Variants in FARP1 observed in about 807,000 individuals in gnomAD.
FARP1 encodes the protein FERM, ARHGEF and pleckstrin domain-containing protein 1.
Under a neutral mutation model 128.8 loss-of-function variants are expected in FARP1, and 52 were observed. The ratio of observed to expected loss-of-function variants is 0.40; its 90% CI spans 0.32 to 0.51. The LOEUF is 0.51. Among genes scored for constraint, FARP1 ranks in the 20% least tolerant of loss-of-function variants. FARP1 has a pLI of 0.45. For missense variants in FARP1, 1,333 were observed against 1,367.9 expected, an observed-to-expected ratio of 0.97 and a Z score of 0.40; for synonymous variants, 580 against 551.8, an observed-to-expected ratio of 1.05 and a Z score of -0.72.
chr13:98,430,727 T>C (rs1891977948), intron 17 of FARP1, among the ~76,000 whole-genome samples: 1 of 152,234 alleles, frequency 6.6e-6, no homozygotes, highest in Non-Finnish European at 1.5e-5. Context: ...CCTGTTGATA[T>C]ATTTGTCCCC....
At chr13:98,174,616 T>G (rs1265597764) in intron 1 of FARP1, among the ~76,000 whole-genome samples, 2 of 152,208 alleles carry the variant, frequency 1.3e-5, no homozygotes, top group African/African-American at 4.8e-5. Context: ...GCAAGGACAA[T>G]TCTTAGAGAA....
At chr13:98,393,802 T>C (rs1231536332) in intron 12 of FARP1, 84 bp downstream of exon 12, 26 of 1,004,154 alleles carry the variant, frequency 2.6e-5, no homozygotes, top group Non-Finnish European at 3.6e-5. Context: ...CGGGCTTTCT[T>C]GTTCTCTGTC....
At chr13:98,232,067 C>T (rs368567689) in intron 2 of FARP1, among the ~76,000 whole-genome samples, 15 of 150,442 alleles carry the variant, frequency 1.0e-4, no homozygotes, top group Admixed American at 3.3e-4. Context: ...TGACCTCAGG[C>T]GATCTGCCCA....
intron 2 of FARP1, among the ~76,000 whole-genome samples, chr13:98,295,869 C>G (rs1468087918): frequency 1.3e-5 from 2 of 152,154 alleles, no homozygotes; most frequent in Non-Finnish European, 2.9e-5. Context: ...TTCTTCCCAT[C>G]CTTTTATATT....
chr13:98,267,013 CAAAAAAA>C (rs368229193), intron 2 of FARP1, among the ~76,000 whole-genome samples: 1 of 64,332 alleles, frequency 1.6e-5, no homozygotes, highest in African/African-American at 5.4e-5. Context: ...ACTCCCATCT[CAAAAAAA>C]AAAAAAAAAA....
rs200545303 is a variant in FARP1, at chr13:98,446,699, G to T, written c.2938G>T (p.Gly980Cys). 1 of 1,613,774 alleles carries T rather than the reference G, an allele frequency of 6.2e-7. No homozygotes were observed. The highest frequency in any genetic ancestry group is 1.7e-5 in the Admixed American group (1 of 59,970). ...NHPLASLPLL[G>C]YSLTIPSESE... ...TCCCCTTGCCAGCCTGCCTCTGCTC[G>T]GCTACTCGCTCACCATCCCCTCTGA... Residue 980 changes from glycine to cysteine, a missense_variant, in exon 26 of 27, where the codon GGC becomes TGC. Physicochemically the swap from Gly to Cys is radical, Grantham distance 159. Transcript: ENST00000319562.
intron 2 of FARP1, among the ~76,000 whole-genome samples, chr13:98,308,339 G>T (rs1886277753): frequency 1.3e-5 from 2 of 152,166 alleles, no homozygotes; most frequent in African/African-American, 4.8e-5. Flanking sequence ...GGGGCACGTG[G>T]GGCCTGAGTG....
chr13:98,440,925 G>A, intron 24 of FARP1, 89 bp downstream of exon 24: 2 of 1,363,762 alleles, frequency 1.5e-6, no homozygotes, highest in Non-Finnish European at 2.0e-6. Context: ...CTTGAGGGAG[G>A]CTGGGACTGT....
At chr13:98,397,056 G>C (rs1890578361) in intron 13 of FARP1, 2 of 152,218 alleles carry the variant, frequency 1.3e-5, no homozygotes. Flanking sequence ...CAAGAATAAT[G>C]AATATTTTAA....
chr13:98,381,256 T>C (rs1889877721), intron 6 of FARP1, among the ~76,000 whole-genome samples: 2 of 152,184 alleles, frequency 1.3e-5, no homozygotes, highest in African/African-American at 4.8e-5. Context: ...CTTCTGTGGA[T>C]TGTGTCGTGA....
intron 2 of FARP1, among the ~76,000 whole-genome samples, chr13:98,304,463 A>G (rs1886052321): frequency 6.6e-6 from 1 of 152,190 alleles, no homozygotes; most frequent in African/African-American, 2.4e-5. Context: ...TTGGGGTGTT[A>G]GGTCCAGAAA....
intron 18 of FARP1, chr13:98,434,050 T>C (rs1329162650): frequency 1.3e-5 from 2 of 152,294 alleles, no homozygotes; most frequent in Admixed American, 1.3e-4. Flanking sequence ...CTGCTATTTC[T>C]CTAAACAGTA....
At chr13:98,444,221 G>A (rs1415291116) in intron 24 of FARP1, among the ~76,000 whole-genome samples, 1 of 152,124 alleles carries the variant, frequency 6.6e-6, no homozygotes, top group Non-Finnish European at 1.5e-5. Context: ...GGCTCGTGCT[G>A]GGCTTAGGGC....
At chr13:98,146,893 A>G (rs536350789) in intron 1 of FARP1, among the ~76,000 whole-genome samples, 48 of 152,158 alleles carry the variant, frequency 3.2e-4, no homozygotes, top group Non-Finnish European at 6.3e-4. Context: ...TTTTAGTGTC[A>G]GAGTTTATTC....
intron 24 of FARP1, chr13:98,445,276 AGTGCCTTTACAAG>A (rs1193375204): frequency 2.0e-5 from 3 of 152,270 alleles, no homozygotes; most frequent in Admixed American, 2.0e-4. Flanking sequence ...AGTGGCATTA[AGTGCCTTTACAAG>A]GTGGTGCAAC....
chr13:98,373,480 T>G (rs9554461), intron 5 of FARP1, among the ~76,000 whole-genome samples: 2,526 of 151,472 alleles, frequency 0.017, 141 homozygotes, highest in East Asian at 0.13. Flanking sequence ...AGGTTTAGAT[T>G]GTTTTATATT....
At chr13:98,198,258 C>CCTG (rs1879702730) in intron 1 of FARP1, among the ~76,000 whole-genome samples, 1 of 152,206 alleles carries the variant, frequency 6.6e-6, no homozygotes, top group Non-Finnish European at 1.5e-5. Context: ...TTAAGTTGAT[C>CCTG]CTGCTGTCTT....
At position 98,224,531 on chromosome 13, in the gene FARP1, A is replaced by G. The variant is rs1881629554; in HGVS notation, c.171+11118A>G. 4.2e-5 allele frequency among the ~76,000 whole-genome samples: 2 copies of G among 47,472 alleles called. 1 individual carries two copies. The highest frequency in any genetic ancestry group is 1.0e-4 in the African/African-American group (2 of 19,288). 31.1% of individuals were successfully genotyped at this position (47,472 alleles called of 152,430 possible). On this transcript the variant is annotated intron_variant, in intron 2 of 26. Transcript: ENST00000319562. ...GACAGAGTGAGACTCTGTCTCAAAA[A>G]AAAAAAAAAAAAAAGAAAAAAAAAA...
intron 3 of FARP1, among the ~76,000 whole-genome samples, chr13:98,347,599 C>A (rs985727979): frequency 9.9e-5 from 15 of 152,192 alleles, no homozygotes; most frequent in African/African-American, 3.6e-4. Flanking sequence ...ATACCATTTC[C>A]ATTGTGTATA....
Sources: gnomAD v4.1 joint callset for allele counts (sites outside exome capture counted in the v4.1 genomes callset) on GRCh38, gnomAD v4.1.1 for gene constraint, MANE v1.5 for transcripts, NCBI Gene and HGNC (gene_info 2026-07-23, HGNC 2026-07-21) for gene names.